Variants in SLC2A9 observed in about 807,000 individuals in gnomAD.
The protein encoded by SLC2A9 is solute carrier family 2 member 9, also known as solute carrier family 2, facilitated glucose transporter member 9.
Under a neutral mutation model 50.6 loss-of-function variants are expected in SLC2A9, and 39 were observed. The ratio of observed to expected loss-of-function variants is 0.77; its 90% CI spans 0.60 to 1.01. The LOEUF (loss-of-function observed/expected upper bound fraction) is 1.01. Ranked by LOEUF, SLC2A9 falls within the 50% of genes least tolerant of loss-of-function variation. The probability of loss-of-function intolerance (pLI) is 0.00; values close to 1 mark genes in which losing one functional copy is unlikely to be tolerated. For synonymous variants in SLC2A9, 324 were observed against 276.9 expected (o/e 1.17, Z -1.69); for missense variants, 686 against 677.6 (o/e 1.01, Z -0.14).
At chr4:10,027,878 G>T (rs187219650) in intron 1 of SLC2A9, among the ~76,000 whole-genome samples, 217 of 152,244 alleles carry the variant, frequency 1.4e-3, no homozygotes, top group African/African-American at 5.0e-3. Context: ...TAGGTATTTT[G>T]AAATGTGCGG....
chr4:10,007,577 G>A (rs958609124), intron 2 of SLC2A9, among the ~76,000 whole-genome samples: 5 of 152,198 alleles, frequency 3.3e-5, no homozygotes, highest in African/African-American at 1.2e-4. Context: ...CCAGGCAGAA[G>A]CAGAGAAGTG....
At chr4:9,847,950 C>A (rs1183363382) in intron 10 of SLC2A9, among the ~76,000 whole-genome samples, 2 of 152,154 alleles carry the variant, frequency 1.3e-5, no homozygotes, top group African/African-American at 4.8e-5. Flanking sequence ...AGAGACACTG[C>A]AAAAGTTAGA....
chr4:9,886,177 CCT>C (rs1399224332), intron 10 of SLC2A9, among the ~76,000 whole-genome samples: 1 of 152,196 alleles, frequency 6.6e-6, no homozygotes, highest in African/African-American at 2.4e-5. Context: ...AGAGACTGCT[CCT>C]GTCTGGTTTG....
intron 6 of SLC2A9, among the ~76,000 whole-genome samples, chr4:9,938,270 A>ATTTT (rs35270015): frequency 7.6e-5 from 9 of 118,222 alleles, no homozygotes; most frequent in African/African-American, 2.0e-4. Context: ...ATCTTTTGCT[A>ATTTT]TTTTTTTTTT....
chr4:9,802,663 G>A (rs1721606920), intron 3 of SLC2A9, among the ~76,000 whole-genome samples: 1 of 148,820 alleles, frequency 6.7e-6, no homozygotes, highest in Admixed American at 6.8e-5. Flanking sequence ...CAAGGTTCAA[G>A]CAATTCTGCC....
chr4:10,019,494 G>C lies in SLC2A9; in HGVS notation c.151-421C>G, dbSNP rs973478316. On this transcript the variant is annotated intron_variant, in intron 1 of 11. Transcript: ENST00000264784. ...TCTGCGCATTGTCTCTGAGTCCTTA[G>C]ATCAGTGCTGTTATGTCCTGTATTA... Among the ~76,000 whole-genome samples, 3 of 152,244 alleles carry C rather than the reference G, an allele frequency of 2.0e-5. No individual in the cohort carries two copies. The East Asian group carries it at 5.8e-4, about 29-fold the overall frequency.
chr4:9,874,074 C>A (rs1168856274), intron 10 of SLC2A9, among the ~76,000 whole-genome samples: 2 of 152,158 alleles, frequency 1.3e-5, no homozygotes, highest in Non-Finnish European at 2.9e-5. Flanking sequence ...ACTTTCCCTG[C>A]ACCCTGATGT....
At chr4:9,914,392 T>C (rs1742465984) in intron 7 of SLC2A9, among the ~76,000 whole-genome samples, 1 of 152,202 alleles carries the variant, frequency 6.6e-6, no homozygotes, top group South Asian at 2.1e-4. Context: ...CAAGCAAATG[T>C]CAGCTCCCAT....
intron 6 of SLC2A9, among the ~76,000 whole-genome samples, chr4:9,926,135 C>T (rs973092457): frequency 3.3e-5 from 5 of 152,046 alleles, no homozygotes; most frequent in African/African-American, 9.7e-5. Context: ...CCTGGGAGTG[C>T]CCCCTGAGCA....
At chr4:9,863,216 G>T (rs1357170426) in intron 10 of SLC2A9, among the ~76,000 whole-genome samples, 1 of 151,948 alleles carries the variant, frequency 6.6e-6, no homozygotes, top group Non-Finnish European at 1.5e-5. Context: ...GCATGAACAT[G>T]GCTCACTCTA....
At chr4:9,875,578 G>C (rs534812700) in intron 10 of SLC2A9, among the ~76,000 whole-genome samples, 14 of 152,278 alleles carry the variant, frequency 9.2e-5, no homozygotes, top group African/African-American at 2.6e-4. Flanking sequence ...CCTGGGACCT[G>C]CCTTTAGCTT....
chr4:9,908,467 C>T (rs1312719073), intron 7 of SLC2A9, 122 bp from the exon 8 acceptor site: 9 of 544,356 alleles, frequency 1.7e-5, no homozygotes, highest in South Asian at 8.7e-5. Flanking sequence ...GGTGGAGAGG[C>T]GTGGATGCTC....
intron 10 of SLC2A9, among the ~76,000 whole-genome samples, chr4:9,858,030 T>A (rs544122955): frequency 1.3e-5 from 2 of 152,218 alleles, no homozygotes; most frequent in Non-Finnish European, 2.9e-5. Flanking sequence ...AGTCAGCAAA[T>A]CAGAGCAGTT....
chr4:9,841,861 G>T (rs141792444), intron 10 of SLC2A9, among the ~76,000 whole-genome samples: 1 of 152,118 alleles, frequency 6.6e-6, no homozygotes, highest in African/African-American at 2.4e-5. Context: ...TGGGGGGAAG[G>T]TATCTTCTTG....
chr4:9,845,214 C>T (rs1728761787), intron 10 of SLC2A9, among the ~76,000 whole-genome samples: 2 of 151,960 alleles, frequency 1.3e-5, no homozygotes, highest in Non-Finnish European at 1.5e-5. Flanking sequence ...GGGGTTTCAC[C>T]GTGTTAGCCA....
At chr4:9,828,060 C>A (rs1260230490) in intron 11 of SLC2A9, among the ~76,000 whole-genome samples, 2 of 152,182 alleles carry the variant, frequency 1.3e-5, no homozygotes, top group Admixed American at 6.5e-5. Flanking sequence ...TTATCAAGTC[C>A]AAAGTGGAGC....
chr4:9,888,501 G>A (rs1451844843), intron 9 of SLC2A9, among the ~76,000 whole-genome samples: 1 of 152,054 alleles, frequency 6.6e-6, no homozygotes, highest in African/African-American at 2.4e-5. Flanking sequence ...GGTTGGGATT[G>A]CTCCTGCTCT....
Position 9,848,465 on chromosome 4 carries a change from C to T in SLC2A9, c.1292-13457G>A, listed in dbSNP as rs140413143. ...GGTCCCTCCACCACTACCTTATTCT[C>T]GATCACAGCCTCATGTTTATTTATT... On this transcript the variant is annotated intron_variant, in intron 10 of 11. Transcript: ENST00000264784. Among the ~76,000 whole-genome samples, 46 of 152,058 alleles carry T rather than the reference C, an allele frequency of 3.0e-4. No homozygotes were observed. The East Asian group carries it at 5.6e-3, about 18-fold the overall frequency.
chr4:9,944,947 C>G (rs1188560225), intron 5 of SLC2A9, among the ~76,000 whole-genome samples: 1 of 152,242 alleles, frequency 6.6e-6, no homozygotes, highest in Admixed American at 6.5e-5. Flanking sequence ...GCTAGGATGA[C>G]CTGCGCACAC....
Sources: allele counts gnomAD v4.1 joint callset (sites outside exome capture counted in the v4.1 genomes callset), GRCh38; gene constraint gnomAD v4.1.1; transcripts MANE v1.5; gene names NCBI Gene and HGNC (gene_info 2026-07-23, HGNC 2026-07-21).